TRMT11: variants seen among roughly 807,000 people sequenced by gnomAD.
TRMT11 encodes tRNA methyltransferase 11.
TRMT11 carries 53 observed loss-of-function variants against 62.8 expected under a neutral mutation model. That is an observed-to-expected ratio of 0.84 (90% CI 0.68 to 1.06). TRMT11 has a LOEUF of 1.06. Among genes scored for constraint, TRMT11 ranks in the 50% least tolerant of loss-of-function variants. The probability of loss-of-function intolerance (pLI) is 0.00; values close to 1 mark genes in which losing one functional copy is unlikely to be tolerated. For missense variants in TRMT11, 556 were observed against 553.4 expected, an observed-to-expected ratio of 1.00 and a Z score of -0.05; for synonymous variants, 188 against 190.3, an observed-to-expected ratio of 0.99 and a Z score of 0.10.
upstream of TRMT11, among the ~76,000 whole-genome samples, chr6:126,172,655 C>T (rs557330257): frequency 1.2e-4 from 19 of 152,190 alleles, no homozygotes; most frequent in African/African-American, 3.4e-4. Context: ...GTGTCCCATC[C>T]GTCCAATATT....
At chr6:126,263,937 G>T in the TRMT11 span, among the ~76,000 whole-genome samples, 2 of 152,284 alleles carry the variant, frequency 1.3e-5, no homozygotes, top group Non-Finnish European at 2.9e-5. Flanking sequence ...CAAATGAGAG[G>T]TCATTAATAT....
chr6:126,081,365 A>G (rs745647346), intron 17 of TRMT11, among the ~76,000 whole-genome samples: 3 of 152,196 alleles, frequency 2.0e-5, no homozygotes, highest in Non-Finnish European at 4.4e-5. Flanking sequence ...TCTTTCTTCT[A>G]TTATACAGTC....
chr6:126,118,526 G>C (rs186145234), intron 21 of TRMT11, among the ~76,000 whole-genome samples: 60 of 152,206 alleles, frequency 3.9e-4, no homozygotes, highest in African/African-American at 1.4e-3. Flanking sequence ...GGCAGTTTTG[G>C]GATAAAAGTC....
At chr6:126,018,822 C>T (rs753893305) in intron 11 of TRMT11, among the ~76,000 whole-genome samples, 1 of 152,108 alleles carries the variant, frequency 6.6e-6, no homozygotes, top group Non-Finnish European at 1.5e-5. Flanking sequence ...TAACCACTTG[C>T]GAACATTCCA....
chr6:126,179,573 T>C (rs929761181), intron 1 of TRMT11, among the ~76,000 whole-genome samples: 1 of 152,198 alleles, frequency 6.6e-6, no homozygotes, highest in Non-Finnish European at 1.5e-5. Context: ...TGTTTAATCT[T>C]TCATTTCCCC....
intron 21 of TRMT11, among the ~76,000 whole-genome samples, chr6:126,120,296 C>G (rs1777634774): frequency 6.6e-6 from 1 of 151,826 alleles, no homozygotes; most frequent in African/African-American, 2.4e-5. Flanking sequence ...ATAAAATATG[C>G]TAATAATATG....
intron 21 of TRMT11, among the ~76,000 whole-genome samples, chr6:126,162,724 C>T (rs1778205673): frequency 6.6e-6 from 1 of 152,048 alleles, no homozygotes; most frequent in South Asian, 2.1e-4. Context: ...TATTTGTGTC[C>T]TCTCTTATTT....
chr6:126,088,577 G>A (rs1254174109), intron 17 of TRMT11, among the ~76,000 whole-genome samples: 1 of 152,200 alleles, frequency 6.6e-6, no homozygotes, highest in Non-Finnish European at 1.5e-5. Flanking sequence ...GATTACCTTG[G>A]TAACTATTCC....
At chr6:126,219,258 T>C in the TRMT11 span, among the ~76,000 whole-genome samples, 6 of 152,190 alleles carry the variant, frequency 3.9e-5, no homozygotes, top group Non-Finnish European at 5.9e-5. Flanking sequence ...AGAAGGAAGA[T>C]CAGTGGAGGC....
chr6:126,160,248 G>A (rs1778173338), intron 21 of TRMT11, among the ~76,000 whole-genome samples: 1 of 152,148 alleles, frequency 6.6e-6, no homozygotes, highest in African/African-American at 2.4e-5. Flanking sequence ...ACCTCACAAA[G>A]TGATTATATG....
intron 17 of TRMT11, among the ~76,000 whole-genome samples, chr6:126,109,770 C>T (rs1777509254): frequency 6.6e-6 from 1 of 152,124 alleles, no homozygotes; most frequent in African/African-American, 2.4e-5. Flanking sequence ...TGGCATTGAA[C>T]AAATGTCATC....
the TRMT11 span, among the ~76,000 whole-genome samples, chr6:126,224,615 C>T: frequency 6.6e-6 from 1 of 152,230 alleles, no homozygotes; most frequent in Non-Finnish European, 1.5e-5. Flanking sequence ...ACGGCCCATG[C>T]TCACATTCCA....
chr6:126,038,772 G>A lies in TRMT11; in HGVS notation c.1328G>A (p.Arg443His), dbSNP rs534226841. ...FLPYQGHNSF[R>H]EKYFSGVTKR... Reference sequence around the variant, plus strand: ...CCATACCAAGGTCATAATTCCTTCCGTGAGAAATATTTTAGTGGGGTAACA... The same window carrying A: ...CCATACCAAGGTCATAATTCCTTCCATGAGAAATATTTTAGTGGGGTAACA... Residue 443 changes from arginine (R) to histidine (H), a missense_variant, in exon 13 of 13, where the codon CGT becomes CAT. Arg to His is a conservative substitution (Grantham distance 29, BLOSUM62 0). Transcript: ENST00000334379. 3.2e-5 allele frequency: 51 copies of A among 1,606,110 alleles called. No homozygotes were observed. In the South Asian group the frequency reaches 3.6e-4, roughly 11 times the overall value.
At chr6:126,267,869 C>T in the TRMT11 span, among the ~76,000 whole-genome samples, 1 of 152,104 alleles carries the variant, frequency 6.6e-6, no homozygotes, top group Non-Finnish European at 1.5e-5. Context: ...TCCTGACTGG[C>T]CCCAGGCCAT....
At chr6:126,265,813 A>G in the TRMT11 span, among the ~76,000 whole-genome samples, 4 of 152,186 alleles carry the variant, frequency 2.6e-5, no homozygotes, top group Non-Finnish European at 5.9e-5. Flanking sequence ...TGAAAAAAGA[A>G]TTATGTTCTG....
chr6:126,248,366 T>C, the TRMT11 span, among the ~76,000 whole-genome samples: 1 of 152,254 alleles, frequency 6.6e-6, no homozygotes, highest in South Asian at 2.1e-4. Context: ...GAACAAGAAG[T>C]CAGCAACTTT....
intron 21 of TRMT11, among the ~76,000 whole-genome samples, chr6:126,162,537 C>G (rs1778203469): frequency 6.6e-6 from 1 of 152,170 alleles, no homozygotes; most frequent in Non-Finnish European, 1.5e-5. Context: ...ATTGTCTTGG[C>G]TATGCAGCCT....
At chr6:126,015,724 CTG>C (rs1794899290) in intron 11 of TRMT11, among the ~76,000 whole-genome samples, 1 of 152,168 alleles carries the variant, frequency 6.6e-6, no homozygotes, top group South Asian at 2.1e-4. Flanking sequence ...ATGTAGGAAA[CTG>C]TGCTGTAATC....
At chr6:126,262,307 G>A in the TRMT11 span, among the ~76,000 whole-genome samples, 1 of 152,188 alleles carries the variant, frequency 6.6e-6, no homozygotes, top group South Asian at 2.1e-4. Flanking sequence ...ATGAGTTCAT[G>A]TGGGCAGGGC....
Sources: allele counts gnomAD v4.1 joint callset (sites outside exome capture counted in the v4.1 genomes callset), GRCh38; gene constraint gnomAD v4.1.1; transcripts MANE v1.5; gene names NCBI Gene and HGNC (gene_info 2026-07-23, HGNC 2026-07-21).